The following THOC2 variants were observed in gnomAD, a reference collection of about 807,000 sequenced individuals.
THOC2 encodes the protein THO complex subunit 2.
In THOC2, 10 loss-of-function variants were observed where a neutral mutation model predicts 128.4. That is an observed-to-expected ratio of 0.08 (90% CI 0.05 to 0.13). THOC2 has a LOEUF of 0.13. THOC2 is among the 10% of genes least tolerant of loss of function. The pLI is 1.00. For synonymous variants in THOC2, 393 were observed against 396.9 expected (o/e 0.99, Z 0.12); for missense variants, 535 against 1,155.7 (o/e 0.46, Z 7.79).
chrX:123,691,002 A>C (rs1421314781), intron 7 of THOC2, among the ~76,000 whole-genome samples: 1 of 112,014 alleles, frequency 8.9e-6, no homozygotes, highest in Non-Finnish European at 1.9e-5. Flanking sequence ...GCTTGAGCTC[A>C]GGAGTTCGAG....
chrX:123,725,427 A>AC (rs2051911791), intron 1 of THOC2, among the ~76,000 whole-genome samples: 1 of 75,931 alleles, frequency 1.3e-5, no homozygotes, highest in African/African-American at 5.0e-5. Context: ...CCCCATCTCT[A>AC]CAAAAAAAAA....
intron 9 of THOC2, among the ~76,000 whole-genome samples, chrX:123,669,388 C>T (rs2049173232): frequency 9.2e-6 from 1 of 108,407 alleles, no homozygotes; most frequent in Non-Finnish European, 1.9e-5. Context: ...GGCACGATCT[C>T]GGCCCACCGC....
At chrX:123,636,852 A>G (rs1201544961) in intron 18 of THOC2, among the ~76,000 whole-genome samples, 1 of 111,888 alleles carries the variant, frequency 8.9e-6, no homozygotes, top group Non-Finnish European at 1.9e-5. Flanking sequence ...GACAAAACAC[A>G]AGTCCTGCCC....
chrX:123,653,424 G>A lies in THOC2; in HGVS notation c.1387-8049C>T, dbSNP rs150698798. ...GCAACAAAAGCCAGAATTGACAAAC[G>A]GGATCTAATTAAACTATTCTGCACA... On this transcript the variant is annotated intron_variant, in intron 12 of 38. Coordinates refer to ENST00000245838, the MANE Select transcript of THOC2 (RefSeq NM_001081550.2). Among the ~76,000 whole-genome samples, 96 of 111,949 alleles carry A rather than the reference G, an allele frequency of 8.6e-4. 2 individuals carry two copies. The highest frequency in any genetic ancestry group is 2.7e-3 in the African/African-American group (84 of 30,839).
intron 33 of THOC2, among the ~76,000 whole-genome samples, chrX:123,618,895 G>A (rs754796406): frequency 4.5e-5 from 5 of 111,442 alleles, no homozygotes; most frequent in Non-Finnish European, 7.6e-5. Flanking sequence ...ATATTGTGCT[G>A]TAACTACCAA....
At chrX:123,712,200 G>A (rs994368410) in intron 2 of THOC2, among the ~76,000 whole-genome samples, 1 of 110,844 alleles carries the variant, frequency 9.0e-6, no homozygotes, top group Admixed American at 9.7e-5. Context: ...CAATACTACT[G>A]TAAATGCTTT....
At chrX:123,631,224 G>T (rs1245309859) in intron 22 of THOC2, among the ~76,000 whole-genome samples, 2 of 111,987 alleles carry the variant, frequency 1.8e-5, no homozygotes, top group African/African-American at 6.5e-5. Flanking sequence ...AGCTGAGACT[G>T]ATCTACCATG....
At chrX:123,651,725 G>GCC (rs199787566) in intron 12 of THOC2, among the ~76,000 whole-genome samples, 68 of 94,761 alleles carry the variant, frequency 7.2e-4, no homozygotes, top group Middle Eastern at 5.6e-3. Flanking sequence ...GGACACATAC[G>GCC]CCCCCCCCCC....
At position 123,668,177 on chromosome X, in the gene THOC2, T is replaced by C. The variant is rs758428635; in HGVS notation, c.999A>G (p.Glu333=). The C allele has an allele frequency of 8.4e-7, 1 of 1,190,105 alleles. No homozygotes were observed. Among genetic ancestry groups the C allele is most frequent in the Non-Finnish European group, 1.1e-6 (1 of 884,219 alleles). The part of the protein sequence containing the change: ...MDEREKEKEK[E]EEKVEKPPDN... ...TACATACTTTCTCTACTTTCTCCTC[T>C]TCTTTTTCCTTTTCTTTCTCTCGCT... Residue 333 remains glutamate, a synonymous_variant, in exon 10 of 39, where the codon GAA becomes GAG. Transcript: ENST00000245838.
chrX:123,605,007 C>CA (rs2046415529), intron 38 of THOC2, among the ~76,000 whole-genome samples: 1 of 112,178 alleles, frequency 8.9e-6, no homozygotes, highest in Non-Finnish European at 1.9e-5. Context: ...ATGAGAAAGA[C>CA]ATGGGGACAG....
chrX:123,654,758 C>CAA (rs149260708), intron 12 of THOC2, among the ~76,000 whole-genome samples: 269 of 24,228 alleles, frequency 0.011, 26 homozygotes, highest in South Asian at 0.016. Flanking sequence ...GACTCCGTCT[C>CAA]AAAAAAAAAA....
At chrX:123,657,003 T>C (rs2048621199) in intron 12 of THOC2, among the ~76,000 whole-genome samples, 1 of 110,222 alleles carries the variant, frequency 9.1e-6, no homozygotes, top group African/African-American at 3.3e-5. Context: ...AAAGCAAAAT[T>C]CCACCTCAAA....
chrX:123,668,070 T>C (rs2049117216), intron 10 of THOC2, 89 bp downstream of exon 10: 2 of 683,645 alleles, frequency 2.9e-6, no homozygotes, highest in Non-Finnish European at 4.0e-6. Context: ...ACTAAGAAAT[T>C]ATTCTTCCAT....
Position 123,614,074 on chromosome X carries a change from T to C in THOC2, c.4427A>G (p.Lys1476Arg). The C allele has an allele frequency of 1.7e-6, 2 of 1,204,836 alleles. No individual in the cohort carries two copies. Among genetic ancestry groups the C allele is most frequent in the Non-Finnish European group, 2.2e-6 (2 of 893,510 alleles). The change falls in exon 34 of 39, where the codon AAG (lysine) becomes AGG (arginine). Residue 1476 changes from lysine (K) to arginine (R), a missense_variant. By Grantham distance (26) the Lys-to-Arg change is conservative. Around this residue, in one of 9 missense-constraint regions of THOC2, gnomAD observed 39 missense variants for 93.1 expected, o/e 0.42. Coordinates refer to ENST00000245838, the MANE Select transcript of THOC2 (RefSeq NM_001081550.2). ...RSREREKKDE[K>R]DRKERKRDHS... Reference sequence around the variant, plus strand: ...AACCCTTTTCCGCTCTTTCCTGTCCTTTTCATCTTTTTTCTCTCTTTCTCT... The same window carrying C: ...AACCCTTTTCCGCTCTTTCCTGTCCCTTTCATCTTTTTTCTCTCTTTCTCT...
In THOC2 at chrX:123,638,999, T is replaced by C; in HGVS notation, c.1775A>G (p.Asn592Ser). Residue 592 changes from asparagine to serine, a missense_variant, in exon 17 of 39, where the codon AAC (asparagine) becomes AGC (serine). This residue lies in a region of THOC2 where 197 missense variants were observed against 313.4 expected (regional missense o/e 0.63). Transcript: ENST00000245838. ...TGAATCTACTACAGGTGTTATTAAG[T>C]TATCATACTTCTGTATTTGTGACAA... is the stretch of plus-strand genomic sequence containing the variant. Reference protein sequence around the residue: ...YILSQIQKYDNLITPVVDSLK... With the variant: ...YILSQIQKYDSLITPVVDSLK... The C allele has an allele frequency of 8.5e-7, 1 of 1,173,241 alleles. No individual in the cohort carries two copies. The highest frequency in any genetic ancestry group is 1.2e-6 in the Non-Finnish European group (1 of 866,296).
chrX:123,662,195 C>T (rs1603283263), intron 12 of THOC2, among the ~76,000 whole-genome samples: 1 of 111,612 alleles, frequency 9.0e-6, no homozygotes, highest in Non-Finnish European at 1.9e-5. Flanking sequence ...TTTTAGTTGT[C>T]ATGATTCACA....
intron 33 of THOC2, among the ~76,000 whole-genome samples, chrX:123,615,237 C>A (rs933837015): frequency 1.8e-5 from 2 of 111,305 alleles, no homozygotes; most frequent in African/African-American, 6.5e-5. Flanking sequence ...AATATTTTTA[C>A]ATGAAGAAAT....
chrX:123,694,714 G>A (rs968347558), intron 7 of THOC2, among the ~76,000 whole-genome samples: 1 of 112,104 alleles, frequency 8.9e-6, no homozygotes, highest in Non-Finnish European at 1.9e-5. Flanking sequence ...TTAAGCAAGA[G>A]TCCCACAGCC....
intron 15 of THOC2, among the ~76,000 whole-genome samples, chrX:123,642,402 C>T (rs1408216844): frequency 3.9e-5 from 4 of 102,879 alleles, no homozygotes; most frequent in African/African-American, 1.1e-4. Flanking sequence ...CACTCCAGCC[C>T]GGGCAACGGT....
Sources: allele counts gnomAD v4.1 joint callset (sites outside exome capture counted in the v4.1 genomes callset), GRCh38; gene constraint gnomAD v4.1.1; regional missense constraint gnomAD v4.1.1; transcripts MANE v1.5; gene names NCBI Gene and HGNC (gene_info 2026-07-23, HGNC 2026-07-21).